The following BOC variants were observed in gnomAD, a reference collection of about 807,000 sequenced individuals.
BOC encodes the protein BOC cell adhesion associated, oncogene regulated, also known as brother of CDO.
BOC carries 76 observed loss-of-function variants against 112.0 expected under a neutral mutation model. The ratio of observed to expected loss-of-function variants is 0.68; its 90% CI spans 0.56 to 0.82. The LOEUF (loss-of-function observed/expected upper bound fraction) is 0.82. Ranked by LOEUF, BOC falls within the 40% of genes least tolerant of loss-of-function variation. BOC has a pLI of 0.00. For missense variants in BOC, 1,309 were observed against 1,511.7 expected, an observed-to-expected ratio of 0.87 and a Z score of 2.22; for synonymous variants, 580 against 599.8, an observed-to-expected ratio of 0.97 and a Z score of 0.48.
intron 4 of BOC, among the ~76,000 whole-genome samples, chr3:113,262,719 G>C (rs1420616262): frequency 6.6e-6 from 1 of 152,204 alleles, no homozygotes; most frequent in Non-Finnish European, 1.5e-5. Context: ...CGTTTCACTT[G>C]CAGATCATTT....
intron 2 of BOC, among the ~76,000 whole-genome samples, chr3:113,229,268 C>A (rs1182309985): frequency 6.6e-6 from 1 of 152,220 alleles, no homozygotes; most frequent in Admixed American, 6.5e-5. Flanking sequence ...ATGTTGGGAC[C>A]CTTGGATGGC....
At chr3:113,237,836 G>A (rs1357332799) in intron 2 of BOC, among the ~76,000 whole-genome samples, 2 of 152,168 alleles carry the variant, frequency 1.3e-5, no homozygotes, top group Middle Eastern at 3.4e-3. Flanking sequence ...GTTCTTTCTC[G>A]ATCCTAGATT....
chr3:113,254,167 A>G (rs1945961399), intron 4 of BOC, among the ~76,000 whole-genome samples: 1 of 152,264 alleles, frequency 6.6e-6, no homozygotes, highest in Non-Finnish European at 1.5e-5. Flanking sequence ...GTTGCAACCC[A>G]AGAAGGCACA....
In BOC at chr3:113,286,840, AAAC is replaced by A. The variant is rs762069661; in HGVS notation, c.3328_3330del (p.Thr1110del). On this transcript the variant is annotated inframe_deletion, in exon 20 of 20. Coordinates refer to ENST00000682979, the MANE Select transcript of BOC (RefSeq NM_001378074.1). Reference sequence around the variant, plus strand: ...GGGCCACTGGTGCGTGTGTCTTTTGAAACACCACCTCTCACAATTTAGGCAGAA... The same window carrying A: ...GGGCCACTGGTGCGTGTGTCTTTTGAACCACCTCTCACAATTTAGGCAGAA... 108 of 1,596,612 alleles carry A rather than the reference AAAC, an allele frequency of 6.8e-5. 1 individual carries two copies. The highest frequency in any genetic ancestry group is 4.7e-4 in the South Asian group (41 of 87,664).
In BOC at chr3:113,285,424, G is replaced by T. The variant is rs777649609; in HGVS notation, c.3019G>T (p.Asp1007Tyr). The T allele has an allele frequency of 5.6e-6, 9 of 1,613,748 alleles. No individual in the cohort carries two copies. The highest frequency in any genetic ancestry group is 2.7e-5 in the African/African-American group (2 of 74,926). The change falls in exon 19 of 20, where the codon GAC (aspartate) becomes TAC (tyrosine). Residue 1007 changes from aspartate to tyrosine, a missense_variant. By Grantham distance (160) the Asp-to-Tyr change is radical. Coordinates refer to ENST00000682979, the MANE Select transcript of BOC (RefSeq NM_001378074.1). ...CTCTTTCTTATACACACTGCCCGAC[G>T]ACTCCACTCACCAGCTGCTGCAGCC... ...EGSFLYTLPD[D>Y]STHQLLQPHH...
At chr3:113,251,259 G>C (rs2107413473) in intron 4 of BOC, 1 of 315,812 alleles carries the variant, frequency 3.2e-6, no homozygotes, top group South Asian at 6.0e-5. Flanking sequence ...GGAGAGACAG[G>C]ACACCAAGAG....
Position 113,286,744 on chromosome 3 carries a change from G to A in BOC, c.3230G>A (p.Gly1077Glu). 2 of 1,613,804 alleles carry A rather than the reference G, an allele frequency of 1.2e-6. No individual in the cohort carries two copies. The highest frequency in any genetic ancestry group is 1.7e-6 in the Non-Finnish European group (2 of 1,179,820). Reference protein sequence around the residue: ...VDSPDSCQVSGGDWCPQHPVG... With the variant: ...VDSPDSCQVSEGDWCPQHPVG... ...AGTCCTGACTCCTGCCAAGTGAGTG[G>A]AGGAGACTGGTGTCCCCAGCACCCC... Residue 1077 changes from glycine (G) to glutamate (E), a missense_variant, in exon 20 of 20, where the codon GGA becomes GAA. Transcript: ENST00000682979.
At chr3:113,241,633 C>A (rs190987554) in intron 2 of BOC, among the ~76,000 whole-genome samples, 1 of 152,140 alleles carries the variant, frequency 6.6e-6, no homozygotes, top group Non-Finnish European at 1.5e-5. Flanking sequence ...AGAATGAAAC[C>A]GGGAAGGGGC....
chr3:113,238,408 GA>G (rs1013777366), intron 2 of BOC, among the ~76,000 whole-genome samples: 4 of 150,890 alleles, frequency 2.7e-5, no homozygotes, highest in East Asian at 1.9e-4. Flanking sequence ...CTCCAAATAG[GA>G]AAAAAAAATC....
rs188157757 is a variant in BOC, at chr3:113,278,676, G to A, written c.1709G>A (p.Arg570Gln). Residue 570 changes from arginine (R) to glutamine (Q), a missense_variant, in exon 11 of 20, where the codon CGG becomes CAG. Transcript: ENST00000682979. This position sits in a 1 kb window ranked among gnomAD's most constrained non-coding sequence, Gnocchi z 4.2. The part of the protein sequence containing the change: ...QTAMVTFRTG[R>Q]RPKPEIMASK... The stretch of plus-strand genomic sequence containing the variant: ...ACTACAACCCATTTCCACCCAGGAC[G>A]GCGGCCCAAACCCGAGATCATGGCC... The A allele has an allele frequency of 9.6e-5, 149 of 1,559,672 alleles. No homozygotes were observed. Among genetic ancestry groups the A allele is most frequent in the East Asian group, 9.4e-4 (39 of 41,566 alleles).
intron 4 of BOC, among the ~76,000 whole-genome samples, chr3:113,252,807 T>G (rs1245552806): frequency 6.6e-6 from 1 of 152,072 alleles, no homozygotes; most frequent in Non-Finnish European, 1.5e-5. Flanking sequence ...GGAATCTGAG[T>G]GCCTGGCCTC....
chr3:113,233,540 A>G (rs973609623), intron 2 of BOC, among the ~76,000 whole-genome samples: 1 of 152,142 alleles, frequency 6.6e-6, no homozygotes, highest in Non-Finnish European at 1.5e-5. Flanking sequence ...CTATGTGACT[A>G]CAGTGCTCGC....
At position 113,278,745 on chromosome 3, in the gene BOC, C is replaced by G; in HGVS notation, c.1778C>G (p.Pro593Arg). ...QIQRDDPGAS[P>R]QSSSQPDHGR... ...CAGAGAGACGACCCTGGAGCCAGTC[C>G]CCAGAGCAGCAGCCAGCCAGACCAC... The change falls in exon 11 of 20, where the codon CCC (proline) becomes CGC (arginine). Residue 593 changes from proline to arginine, a missense_variant. Physicochemically the swap from Pro to Arg is moderately radical, Grantham distance 103. Coordinates refer to ENST00000682979, the MANE Select transcript of BOC (RefSeq NM_001378074.1). This position sits in a 1 kb window ranked among gnomAD's most constrained non-coding sequence, Gnocchi z 4.2. 1 of 1,564,810 alleles carries G rather than the reference C, an allele frequency of 6.4e-7. No individual in the cohort carries two copies. The highest frequency in any genetic ancestry group is 8.7e-7 in the Non-Finnish European group (1 of 1,154,536).
intron 4 of BOC, chr3:113,261,972 G>GA (rs536265452): frequency 1.4e-5 from 2 of 145,754 alleles, no homozygotes; most frequent in Non-Finnish European, 3.0e-5. Context: ...ACAAAGGTTT[G>GA]TTTTTTTTTT....
chr3:113,268,190 C>G, intron 4 of BOC, 109 bp from the exon 5 acceptor site: 1 of 1,498,892 alleles, frequency 6.7e-7, no homozygotes, highest in Non-Finnish European at 9.0e-7. Context: ...TGATATCCCC[C>G]TAGGTGTGAG....
At chr3:113,248,252 C>T (rs1945177224) in intron 2 of BOC, among the ~76,000 whole-genome samples, 1 of 152,214 alleles carries the variant, frequency 6.6e-6, no homozygotes, top group Non-Finnish European at 1.5e-5. Context: ...CACTTCCCAA[C>T]ACAGCAACAG....
rs777946430 is a variant in BOC at position 113,274,305 on chromosome 3, C to G, written c.1235-70C>G. On this transcript the variant is annotated intron_variant, in intron 8 of 19. Transcript: ENST00000682979. This position sits in a 1 kb window ranked among gnomAD's most constrained non-coding sequence, Gnocchi z 4.8. ...CTCTCTGTCTTCTTTCTGTTTTCTC[C>G]CCAGGAACAACAGCTCAGCAGGTAA... 285 of 1,421,340 alleles carry G rather than the reference C, an allele frequency of 2.0e-4. No individual in the cohort carries two copies. Among genetic ancestry groups the G allele is most frequent in the Non-Finnish European group, 2.5e-4 (269 of 1,073,170 alleles). 88.0% of individuals were successfully genotyped at this position (1,421,340 alleles called of 1,614,324 possible). A position where few individuals can be genotyped will look rare whatever the true frequency, so the allele number is the denominator to read the frequency against.
chr3:113,277,133 T>G (rs1203780616), intron 9 of BOC, among the ~76,000 whole-genome samples: 1 of 152,166 alleles, frequency 6.6e-6, no homozygotes, highest in African/African-American at 2.4e-5. Flanking sequence ...GAGCAAGGAC[T>G]GAAGGCAGGA....
In BOC at chr3:113,279,406, C is replaced by T. The variant is rs778462405; in HGVS notation, c.1974C>T (p.Ser658=). The T allele has an allele frequency of 1.2e-5, 19 of 1,614,068 alleles. No individual in the cohort carries two copies. Among genetic ancestry groups the T allele is most frequent in the South Asian group, 3.3e-5 (3 of 91,086 alleles). The part of the protein sequence containing the change: ...KKVGDWILAT[S]AIPPSRLSVE... Reference sequence around the variant, plus strand: ...TGGGAGACTGGATTCTGGCCACCAGCGCCATCCCCCCATCGCGGCTGTCCG... The same window carrying T: ...TGGGAGACTGGATTCTGGCCACCAGTGCCATCCCCCCATCGCGGCTGTCCG... Residue 658 remains serine, a synonymous_variant, in exon 12 of 20, where the codon AGC becomes AGT. Transcript: ENST00000682979.
Sources: gnomAD v4.1 joint callset for allele counts (sites outside exome capture counted in the v4.1 genomes callset) on GRCh38, gnomAD v4.1.1 for gene constraint, Gnocchi (gnomAD v3.1) non-coding constraint, MANE v1.5 for transcripts, NCBI Gene and HGNC (gene_info 2026-07-23, HGNC 2026-07-21) for gene names.